NEMF: variants seen among roughly 807,000 people sequenced by gnomAD.
NEMF encodes nuclear export mediator factor, also known as ribosome quality control complex subunit NEMF.
Under a neutral mutation model 162.2 loss-of-function variants are expected in NEMF, and 89 were observed. The observed-to-expected ratio is 0.55, with a 90% CI of 0.46 to 0.65. The LOEUF (loss-of-function observed/expected upper bound fraction) is 0.65, where lower values mean the gene tolerates loss of function less well. Ranked by LOEUF, NEMF falls within the 30% of genes least tolerant of loss-of-function variation. NEMF has a pLI of 0.00. For missense variants in NEMF, 1,133 were observed against 1,261.9 expected (o/e 0.90, Z 1.55); for synonymous variants, 421 against 404.5 (o/e 1.04, Z -0.49).
chr14:49,790,362 C>T (rs1460508253), intron 26 of NEMF, among the ~76,000 whole-genome samples: 1 of 152,066 alleles, frequency 6.6e-6, no homozygotes, highest in Non-Finnish European at 1.5e-5. Context: ...ACAGGACAAA[C>T]CAATTTTTAA....
intron 25 of NEMF, chr14:49,796,151 T>C: frequency 3.3e-6 from 2 of 599,394 alleles, no homozygotes; most frequent in Admixed American, 2.5e-5. Flanking sequence ...CATGGATTTA[T>C]CTTTCTTTCC....
intron 6 of NEMF, among the ~76,000 whole-genome samples, chr14:49,835,324 CAAT>C (rs1892847192): frequency 6.6e-6 from 1 of 151,750 alleles, no homozygotes; most frequent in Non-Finnish European, 1.5e-5. Flanking sequence ...GCTTCAACCA[CAAT>C]GAGGATTTAT....
rs201066320 is a variant in NEMF, at chr14:49,839,073, T to TA, written c.507-868_507-867insT. Among the ~76,000 whole-genome samples, 223 of 147,628 alleles carry TA rather than the reference T, an allele frequency of 1.5e-3. 1 individual carries two copies. Among genetic ancestry groups the TA allele is most frequent in the African/African-American group, 4.8e-3 (187 of 39,186 alleles). The stretch of plus-strand genomic sequence containing the variant: ...GTAATGCTGAAGCATGTTAATTTTT[T>TA]TTTTTTTATTTTTTTTATTTTTGAG... On this transcript the variant is annotated intron_variant, in intron 5 of 32. Transcript: ENST00000298310.
At chr14:49,837,031 T>C (rs529424143) in intron 6 of NEMF, among the ~76,000 whole-genome samples, 1 of 152,284 alleles carries the variant, frequency 6.6e-6, no homozygotes, top group African/African-American at 2.4e-5. Context: ...TCCCAGCACT[T>C]TGGGAGGCCA....
intron 26 of NEMF, among the ~76,000 whole-genome samples, chr14:49,792,302 G>C (rs761115355): frequency 1.3e-5 from 2 of 152,106 alleles, no homozygotes; most frequent in South Asian, 2.1e-4. Context: ...TGCAACCTCT[G>C]CCTCCCAGGC....
intron 4 of NEMF, among the ~76,000 whole-genome samples, chr14:49,843,108 T>G (rs1301412357): frequency 2.0e-5 from 3 of 152,128 alleles, no homozygotes; most frequent in African/African-American, 7.2e-5. Context: ...ATAATCAGAT[T>G]AGATAAAGAG....
intron 6 of NEMF, 110 bp downstream of exon 6, chr14:49,838,029 C>G (rs1466415818): frequency 1.3e-6 from 1 of 766,798 alleles, no homozygotes; most frequent in Non-Finnish European, 2.1e-6. Flanking sequence ...CCTACTTACT[C>G]CAAGGATCAC....
At chr14:49,834,783 C>A (rs1337837868) in intron 6 of NEMF, among the ~76,000 whole-genome samples, 3 of 152,182 alleles carry the variant, frequency 2.0e-5, no homozygotes, top group Non-Finnish European at 4.4e-5. Context: ...ATGACCTAGC[C>A]TAAAATTTAA....
chr14:49,790,456 T>A (rs1461011021), intron 26 of NEMF, among the ~76,000 whole-genome samples: 1 of 151,984 alleles, frequency 6.6e-6, no homozygotes, highest in East Asian at 1.9e-4. Flanking sequence ...GAACATGAAA[T>A]AAAAGCCAAA....
intron 24 of NEMF, 50 bp from the exon 25 acceptor site, chr14:49,799,574 T>C (rs747150510): frequency 8.1e-6 from 13 of 1,597,476 alleles, no homozygotes; most frequent in Non-Finnish European, 9.4e-6. Context: ...TTAACTTTTT[T>C]GAAAAGTAGA....
intron 16 of NEMF, among the ~76,000 whole-genome samples, chr14:49,817,485 C>G (rs3100916): frequency 0.94 from 143,090 of 152,238 alleles, 67,890 homozygotes; most frequent in Non-Finnish European, 1. Context: ...CATGTAAACA[C>G]TAACCAAAAG....
At chr14:49,833,964 A>G (rs1331983976) in intron 7 of NEMF, 1 of 297,304 alleles carries the variant, frequency 3.4e-6, no homozygotes, top group Non-Finnish European at 6.7e-6. Context: ...ATAAAAACAA[A>G]CAAAAACAAA....
chr14:49,795,656 C>T (rs1489741501), intron 26 of NEMF, 135 bp downstream of exon 26: 3 of 739,556 alleles, frequency 4.1e-6, no homozygotes, highest in South Asian at 1.9e-5. Context: ...TGTATCTACT[C>T]AACTAATTTT....
chr14:49,800,724 T>G, intron 22 of NEMF, 28 bp from the exon 23 acceptor site: 1 of 1,594,182 alleles, frequency 6.3e-7, no homozygotes, highest in Non-Finnish European at 8.6e-7. Context: ...GGAAAGTCAG[T>G]GTGGGACTAC....
At chr14:49,842,305 A>G (rs1182460279) in intron 4 of NEMF, among the ~76,000 whole-genome samples, 3 of 152,202 alleles carry the variant, frequency 2.0e-5, no homozygotes, top group African/African-American at 7.2e-5. Context: ...GACACACAAA[A>G]AAGTTATATC....
intron 28 of NEMF, among the ~76,000 whole-genome samples, chr14:49,787,855 G>A (rs1309027489): frequency 6.6e-6 from 1 of 152,032 alleles, no homozygotes; most frequent in African/African-American, 2.4e-5. Context: ...AAAGAAAATA[G>A]TAATACAGAA....
At chr14:49,818,651 AAAG>A (rs935371560) in intron 16 of NEMF, among the ~76,000 whole-genome samples, 1 of 152,176 alleles carries the variant, frequency 6.6e-6, no homozygotes, top group African/African-American at 2.4e-5. Context: ...GAAAGGGTAT[AAAG>A]AAGATCTCTG....
intron 25 of NEMF, among the ~76,000 whole-genome samples, chr14:49,798,196 T>C (rs971899519): frequency 1.3e-5 from 2 of 152,252 alleles, no homozygotes; most frequent in African/African-American, 4.8e-5. Flanking sequence ...TCATAAACTA[T>C]AGTCATACAA....
chr14:49,803,099 T>C, intron 20 of NEMF, 138 bp downstream of exon 20: 1 of 651,520 alleles, frequency 1.5e-6, no homozygotes, highest in South Asian at 2.2e-5. Context: ...AAGGCAAAAA[T>C]TTCTTTACTT....
Sources: allele counts gnomAD v4.1 joint callset (sites outside exome capture counted in the v4.1 genomes callset), GRCh38; gene constraint gnomAD v4.1.1; transcripts MANE v1.5; gene names NCBI Gene and HGNC (gene_info 2026-07-23, HGNC 2026-07-21).